Variants in CACNG4 observed in about 807,000 individuals in gnomAD.
The protein encoded by CACNG4 is calcium voltage-gated channel auxiliary subunit gamma 4.
Under a neutral mutation model 22.9 loss-of-function variants are expected in CACNG4, and 8 were observed. The ratio of observed to expected loss-of-function variants is 0.35; its 90% CI spans 0.21 to 0.63. CACNG4 has a LOEUF of 0.63. CACNG4 is among the 30% of genes least tolerant of loss of function. The pLI is 0.72. For missense variants in CACNG4, 357 were observed against 455.4 expected, an observed-to-expected ratio of 0.78 and a Z score of 1.97; for synonymous variants, 188 against 191.9, an observed-to-expected ratio of 0.98 and a Z score of 0.17.
intron 1 of CACNG4, 76 bp from the exon 2 acceptor site, chr17:67,018,113 G>C: frequency 9.0e-7 from 1 of 1,114,470 alleles, no homozygotes; most frequent in East Asian, 2.4e-5. Context: ...CACACACATG[G>C]CAACCGTGTC....
At chr17:67,025,942 C>T (rs1011198397) in intron 3 of CACNG4, among the ~76,000 whole-genome samples, 4 of 152,216 alleles carry the variant, frequency 2.6e-5, no homozygotes, top group Admixed American at 6.5e-5. Flanking sequence ...TTCCTTCCAG[C>T]GCAATAAATA....
chr17:66,975,726 C>G (rs561117397), intron 1 of CACNG4, among the ~76,000 whole-genome samples: 12 of 152,184 alleles, frequency 7.9e-5, no homozygotes, highest in Non-Finnish European at 1.8e-4. Flanking sequence ...CTGAGCACCC[C>G]CCAGTGGAGG....
chr17:66,976,658 G>A (rs956707035), intron 1 of CACNG4, among the ~76,000 whole-genome samples: 2 of 141,102 alleles, frequency 1.4e-5, no homozygotes, highest in Middle Eastern at 3.2e-3. Context: ...TCCCTGCCCC[G>A]CCCCACCCCC....
intron 3 of CACNG4, among the ~76,000 whole-genome samples, chr17:67,025,891 C>T (rs1275826734): frequency 1.3e-5 from 2 of 150,898 alleles, no homozygotes; most frequent in Non-Finnish European, 3.0e-5. Flanking sequence ...ATTGGGGAGC[C>T]AAGGTGCCGG....
At chr17:66,990,811 G>A (rs1203188717) in intron 1 of CACNG4, among the ~76,000 whole-genome samples, 1 of 151,994 alleles carries the variant, frequency 6.6e-6, no homozygotes, top group Non-Finnish European at 1.5e-5. Context: ...CTCCTGAGTA[G>A]CTGGGACTAC....
At chr17:67,020,770 C>G (rs189743003) in intron 2 of CACNG4, among the ~76,000 whole-genome samples, 42 of 152,308 alleles carry the variant, frequency 2.8e-4, no homozygotes, top group African/African-American at 9.1e-4. Flanking sequence ...CAGGGCCACC[C>G]TGATTTCTAA....
chr17:66,983,603 A>G (rs1190949995), intron 1 of CACNG4, among the ~76,000 whole-genome samples: 1 of 152,188 alleles, frequency 6.6e-6, no homozygotes, highest in Non-Finnish European at 1.5e-5. Flanking sequence ...GGTCTGACTC[A>G]TGCAGTCTAA....
intron 1 of CACNG4, among the ~76,000 whole-genome samples, chr17:66,995,725 C>A (rs1284179682): frequency 1.3e-5 from 2 of 152,044 alleles, no homozygotes; most frequent in Non-Finnish European, 2.9e-5. Flanking sequence ...TGGTGGGCAC[C>A]TGTAATCCTA....
intron 3 of CACNG4, among the ~76,000 whole-genome samples, chr17:67,026,888 T>C (rs1598126867): frequency 7.0e-6 from 1 of 142,236 alleles, no homozygotes; most frequent in Admixed American, 7.0e-5. Flanking sequence ...CCTTCCCTTC[T>C]TCCCCCCACC....
chr17:66,969,716 T>C (rs968169560), intron 1 of CACNG4, among the ~76,000 whole-genome samples: 5 of 152,012 alleles, frequency 3.3e-5, no homozygotes, highest in Admixed American at 6.5e-5. Context: ...TGCCCACAGG[T>C]GGGAGGCTTT....
chr17:66,967,703 T>C (rs961790844), intron 1 of CACNG4, among the ~76,000 whole-genome samples: 2 of 152,172 alleles, frequency 1.3e-5, no homozygotes, highest in African/African-American at 4.8e-5. Context: ...ATCAAACCTC[T>C]GGGCTGAAAC....
chr17:67,003,617 T>G (rs1329295732), intron 1 of CACNG4, among the ~76,000 whole-genome samples: 1 of 152,134 alleles, frequency 6.6e-6, no homozygotes. Context: ...ATCCTGTGCA[T>G]TGTAGAATGT....
intron 1 of CACNG4, among the ~76,000 whole-genome samples, chr17:67,015,353 G>A (rs888441759): frequency 3.9e-5 from 6 of 152,146 alleles, no homozygotes; most frequent in Non-Finnish European, 7.3e-5. Flanking sequence ...ACATGTTCCT[G>A]GATGCCTTGG....
chr17:66,988,691 CTT>C lies in CACNG4; in HGVS notation c.220+23561_220+23562del, dbSNP rs376864233. Among the ~76,000 whole-genome samples, 95 of 152,216 alleles carry C rather than the reference CTT, an allele frequency of 6.2e-4. 2 individuals carry two copies. The South Asian group carries it at 0.02, about 32-fold the overall frequency. ...ACGTCAGAGGGGTCTCTTTGCCTCTCTTAGACCAGAATCTTCCTGAAATTTCT... is the reference window on the plus strand; with the variant it reads ...ACGTCAGAGGGGTCTCTTTGCCTCTCAGACCAGAATCTTCCTGAAATTTCT... On this transcript the variant is annotated intron_variant, in intron 1 of 3. Coordinates refer to ENST00000262138, the MANE Select transcript of CACNG4 (RefSeq NM_014405.4).
intron 1 of CACNG4, among the ~76,000 whole-genome samples, chr17:67,014,251 A>G (rs1364135700): frequency 6.6e-6 from 1 of 152,232 alleles, no homozygotes; most frequent in Non-Finnish European, 1.5e-5. Flanking sequence ...ACACATGTGA[A>G]GTGGATTGAA....
intron 1 of CACNG4, among the ~76,000 whole-genome samples, chr17:66,989,691 GA>G (rs1200038755): frequency 6.6e-6 from 1 of 151,540 alleles, no homozygotes; most frequent in Non-Finnish European, 1.5e-5. Context: ...TGCTCTCCAA[GA>G]GGGGGTAGCC....
At chr17:66,999,883 G>C (rs76690926) in intron 1 of CACNG4, among the ~76,000 whole-genome samples, 2 of 152,210 alleles carry the variant, frequency 1.3e-5, no homozygotes. Flanking sequence ...CTGAGTGCGC[G>C]GCCTCCCGAG....
chr17:67,025,011 C>A lies in CACNG4; in HGVS notation c.445+11C>A. 1 of 1,577,600 alleles carries A rather than the reference C, an allele frequency of 6.3e-7. No individual in the cohort carries two copies. Reference sequence around the variant, plus strand: ...TCTTCGTGGCTGCAGGTGAGCCGCCCGCCCGGGCTGGTGCTGGGCCGGGAG... The same window carrying A: ...TCTTCGTGGCTGCAGGTGAGCCGCCAGCCCGGGCTGGTGCTGGGCCGGGAG... On this transcript the variant is annotated intron_variant, in intron 3 of 3. Coordinates refer to ENST00000262138, the MANE Select transcript of CACNG4 (RefSeq NM_014405.4).
At chr17:66,976,842 C>CCGG (rs1439053440) in intron 1 of CACNG4, among the ~76,000 whole-genome samples, 36 of 152,198 alleles carry the variant, frequency 2.4e-4, no homozygotes, top group Admixed American at 7.9e-4. Context: ...GAGGAGCCTG[C>CCGG]TGGTGGTAAC....
Sources: allele counts gnomAD v4.1 joint callset (sites outside exome capture counted in the v4.1 genomes callset), GRCh38; gene constraint gnomAD v4.1.1; transcripts MANE v1.5; gene names NCBI Gene and HGNC (gene_info 2026-07-23, HGNC 2026-07-21).